The following SMG1 variants were observed in gnomAD, a reference collection of about 807,000 sequenced individuals.
The protein encoded by SMG1 is serine/threonine-protein kinase SMG1.
Under a neutral mutation model 419.9 loss-of-function variants are expected in SMG1, and 22 were observed. The observed-to-expected ratio is 0.05, with a 90% CI of 0.04 to 0.07. The LOEUF (loss-of-function observed/expected upper bound fraction) is 0.07, where lower values mean the gene tolerates loss of function less well. SMG1 is among the 10% of genes least tolerant of loss of function. The pLI is 1.00. For missense variants in SMG1, 3,185 were observed against 4,342.0 expected, an observed-to-expected ratio of 0.73 and a Z score of 7.49; for synonymous variants, 1,538 against 1,553.5, an observed-to-expected ratio of 0.99 and a Z score of 0.23.
intron 22 of SMG1, among the ~76,000 whole-genome samples, chr16:18,867,697 CTTCTTTTTTTTTT>C (rs1242403536): frequency 1.6e-5 from 2 of 125,434 alleles, no homozygotes; most frequent in Non-Finnish European, 1.7e-5. Flanking sequence ...ATTATTTTAA[CTTCTTTTTTTTTT>C]TTTTTTTTTT....
chr16:18,844,558 T>C, intron 39 of SMG1, among the ~76,000 whole-genome samples: 3 of 43,754 alleles, frequency 6.9e-5, no homozygotes, highest in African/African-American at 1.3e-4. Flanking sequence ...CATAATAAAC[T>C]TCATCCTTCT....
At position 18,850,087 on chromosome 16, in the gene SMG1, G is replaced by A; in HGVS notation, c.5323C>T (p.His1775Tyr). 1 of 1,613,960 alleles carries A rather than the reference G, an allele frequency of 6.2e-7. No individual in the cohort carries two copies. Residue 1775 changes from histidine to tyrosine, a missense_variant, in exon 35 of 63, where the codon CAC (histidine) becomes TAC (tyrosine). By Grantham distance (83) the His-to-Tyr change is moderately conservative. Around this residue, in one of 27 missense-constraint regions of SMG1, gnomAD observed 493 missense variants for 552.9 expected, o/e 0.89. Coordinates refer to ENST00000446231, the MANE Select transcript of SMG1 (RefSeq NM_015092.5). The stretch of plus-strand genomic sequence containing the variant: ...TCATCAGTGCTCTGTTCCACTCTGT[G>A]ACTTAAATGCAGCCTAGGGTCATCC... The part of the protein sequence containing the change: ...DEDDPRLHLS[H>Y]RVEQSTDDMI...
At position 18,821,131 on chromosome 16, in the gene SMG1, C is replaced by T. The variant is rs977184245; in HGVS notation, c.9742-1477G>A. ...CATTTCACAAAACAAATTCAGTATT[C>T]AAAGTTTTTCTAATCATCAAAATTT... On this transcript the variant is annotated intron_variant, in intron 55 of 62. Coordinates refer to ENST00000446231, the MANE Select transcript of SMG1 (RefSeq NM_015092.5). 3.3e-5 allele frequency among the ~76,000 whole-genome samples: 5 copies of T among 149,952 alleles called. No individual in the cohort carries two copies. The South Asian group carries it at 6.3e-4, about 19-fold the overall frequency.
chr16:18,920,592 T>C (rs1437437666), intron 1 of SMG1, among the ~76,000 whole-genome samples: 4 of 151,964 alleles, frequency 2.6e-5, no homozygotes, highest in Admixed American at 6.6e-5. Flanking sequence ...CCCAGCACTT[T>C]GGGAGGCCAA....
At chr16:18,830,453 C>CA in intron 51 of SMG1, 84 bp from the exon 52 acceptor site, 6 of 1,445,740 alleles carry the variant, frequency 4.2e-6, no homozygotes, top group South Asian at 2.4e-5. Context: ...CATCTCACAG[C>CA]TGCATGCTGT....
intron 54 of SMG1, 86 bp downstream of exon 54, chr16:18,829,200 T>A: frequency 8.3e-7 from 1 of 1,203,488 alleles, no homozygotes; most frequent in East Asian, 2.5e-5. Flanking sequence ...TTTAAAAAAA[T>A]TTCTGTGTAT....
At chr16:18,900,300 A>C (rs934057769) in intron 1 of SMG1, among the ~76,000 whole-genome samples, 3 of 152,218 alleles carry the variant, frequency 2.0e-5, no homozygotes, top group Non-Finnish European at 2.9e-5. Context: ...AATCACATGC[A>C]AATATAGTTA....
rs1396211445 is a variant in SMG1 at position 18,853,854 on chromosome 16, A to T, written c.4497T>A (p.His1499Gln). Residue 1499 changes from histidine to glutamine, a missense_variant, in exon 31 of 63, where the codon CAT becomes CAA. Transcript: ENST00000446231. ...KLLYTAGQST[H>Q]AMEMLSSCAI... ...CACAAGAACTCAACATTTCCATTGC[A>T]TGTGTTGACTGGCCTACAGAAAACC... 6.2e-7 allele frequency: 1 copy of T among 1,610,892 alleles called. No homozygotes were observed. The highest frequency in any genetic ancestry group is 1.7e-5 in the Admixed American group (1 of 59,710).
intron 5 of SMG1, 137 bp from the exon 6 acceptor site, chr16:18,889,722 A>G: frequency 1.6e-6 from 1 of 639,884 alleles, no homozygotes. Flanking sequence ...AAAGGTTGAA[A>G]TTTTCTCCAC....
chr16:18,811,719 A>G, intron 62 of SMG1, 42 bp downstream of exon 62: 1 of 1,519,002 alleles, frequency 6.6e-7, no homozygotes. Flanking sequence ...CTACTTTTCC[A>G]GCAGCATTAA....
In SMG1 at chr16:18,916,495, G is replaced by A. The variant is rs537181997; in HGVS notation, c.92+9455C>T. Among the ~76,000 whole-genome samples, 44 of 134,120 alleles carry A rather than the reference G, an allele frequency of 3.3e-4. 3 individuals carry two copies. In the East Asian group the frequency reaches 9.2e-3, roughly 28 times the overall value. 88.0% of individuals were successfully genotyped at this position (134,120 alleles called of 152,430 possible). On this transcript the variant is annotated intron_variant, in intron 1 of 62. Coordinates refer to ENST00000446231, the MANE Select transcript of SMG1 (RefSeq NM_015092.5). ...CCTGCCACTGCACTCCAGCGTGGGC[G>A]ACGGTGAGACTCCATCTCAAAAAAA...
intron 1 of SMG1, among the ~76,000 whole-genome samples, chr16:18,900,463 C>A (rs1397508902): frequency 3.3e-5 from 5 of 152,044 alleles, no homozygotes; most frequent in Admixed American, 3.3e-4. Flanking sequence ...GCCTTGCAGT[C>A]CATTCTTGTA....
In SMG1 at chr16:18,805,976, T is replaced by A. The variant is rs180985549; in HGVS notation, c.*3593A>T. 1 of 152,690 alleles carries A rather than the reference T, an allele frequency of 6.5e-6. No homozygotes were observed. Among genetic ancestry groups the A allele is most frequent in the Non-Finnish European group, 1.5e-5 (1 of 68,024 alleles). 9.5% of individuals were successfully genotyped at this position (152,690 alleles called of 1,614,324 possible). On this transcript the variant is annotated 3_prime_UTR_variant, in exon 63 of 63. Coordinates refer to ENST00000446231, the MANE Select transcript of SMG1 (RefSeq NM_015092.5). ...GAAAAGAAGAACCAGCTCCTTTGAT[T>A]TCAGTACTGCCAAAACAAGTAAGCC...
intron 3 of SMG1, among the ~76,000 whole-genome samples, chr16:18,893,900 A>G (rs900980963): frequency 6.6e-6 from 1 of 151,766 alleles, no homozygotes; most frequent in Non-Finnish European, 1.5e-5. Context: ...TACTGAAGAT[A>G]CAAAAAATTA....
At chr16:18,913,726 T>TA (rs1032927778) in intron 1 of SMG1, among the ~76,000 whole-genome samples, 2 of 152,036 alleles carry the variant, frequency 1.3e-5, no homozygotes, top group African/African-American at 2.4e-5. Context: ...GCTAAGCCTC[T>TA]AATAATATTC....
Position 18,876,310 on chromosome 16 carries a change from T to C in SMG1, c.1704A>G (p.Ile568Met). The C allele has an allele frequency of 6.2e-7, 1 of 1,611,766 alleles. No individual in the cohort carries two copies. The highest frequency in any genetic ancestry group is 1.1e-5 in the South Asian group (1 of 90,992). ...TTAGGGCACAAGTCATTTCTCCCAA[T>C]ATTAACTTATAGGCAGTCTCCAAAA... ...IPVLETAYKL[I>M]LGEMTCALNN... The change falls in exon 13 of 63, where the codon ATA becomes ATG. Residue 568 changes from isoleucine (I) to methionine (M), a missense_variant. Around this residue, in one of 27 missense-constraint regions of SMG1, gnomAD observed 297 missense variants for 491.0 expected, o/e 0.60. Coordinates refer to ENST00000446231, the MANE Select transcript of SMG1 (RefSeq NM_015092.5).
Position 18,892,358 on chromosome 16 carries a change from T to G in SMG1, c.413-4A>C, listed in dbSNP as rs2036921242. The G allele has an allele frequency of 1.3e-6, 2 of 1,547,944 alleles. No homozygotes were observed. The highest frequency in any genetic ancestry group is 2.4e-5 in the South Asian group (2 of 83,894). On this transcript the variant is annotated splice_region_variant and splice_polypyrimidine_tract_variant and intron_variant, in intron 3 of 62. Coordinates refer to ENST00000446231, the MANE Select transcript of SMG1 (RefSeq NM_015092.5). Reference sequence around the variant, plus strand: ...TCAGAATAAGACATCGATCTCTCTGTGAATATATAAACATTTTGTTGTCCA... The same window carrying G: ...TCAGAATAAGACATCGATCTCTCTGGGAATATATAAACATTTTGTTGTCCA...
chr16:18,874,916 T>C (rs2036034851), intron 13 of SMG1, among the ~76,000 whole-genome samples: 1 of 140,732 alleles, frequency 7.1e-6, no homozygotes, highest in African/African-American at 2.8e-5. Flanking sequence ...TTTTTTTTTT[T>C]TTTCCCCTAA....
At position 18,809,430 on chromosome 16, in the gene SMG1, C is replaced by T. The variant is rs2031160741; in HGVS notation, c.*139G>A. 6.5e-5 allele frequency: 44 copies of T among 674,674 alleles called. 1 individual carries two copies. The South Asian group carries it at 6.9e-4, about 11-fold the overall frequency. 41.8% of individuals were successfully genotyped at this position (674,674 alleles called of 1,614,324 possible). A position where few individuals can be genotyped will look rare whatever the true frequency, so the allele number is the denominator to read the frequency against. On this transcript the variant is annotated 3_prime_UTR_variant, in exon 63 of 63. Transcript: ENST00000446231. ...CTGCGGGATTCACTTCCTAGTGCAC[C>T]GAGATTTCCTAGGTTTCCTCAGAGT...
Sources: allele counts gnomAD v4.1 joint callset (sites outside exome capture counted in the v4.1 genomes callset), GRCh38; gene constraint gnomAD v4.1.1; regional missense constraint gnomAD v4.1.1; transcripts MANE v1.5; gene names NCBI Gene and HGNC (gene_info 2026-07-23, HGNC 2026-07-21).